Variants in ETS1 observed in about 807,000 individuals in gnomAD.
ETS1 encodes protein C-ets-1.
In ETS1, 15 loss-of-function variants were observed where a neutral mutation model predicts 58.6. The observed-to-expected ratio is 0.26, with a 90% confidence interval of 0.17 to 0.39. The LOEUF (loss-of-function observed/expected upper bound fraction) is 0.39. ETS1 is among the 10% of genes least tolerant of loss of function. The probability of loss-of-function intolerance (pLI) is 1.00; values close to 1 mark genes in which losing one functional copy is unlikely to be tolerated. For missense variants in ETS1, 417 were observed against 610.5 expected (o/e 0.68, Z 3.34); for synonymous variants, 214 against 218.2 (o/e 0.98, Z 0.17).
chr11:128,525,585 A>C (rs1299313646), intron 3 of ETS1, among the ~76,000 whole-genome samples: 1 of 145,696 alleles, frequency 6.9e-6, no homozygotes, highest in Non-Finnish European at 1.5e-5. Flanking sequence ...TATGACTCAC[A>C]GATGTTGATT....
chr11:128,566,738 G>A (rs1020957232), intron 2 of ETS1, among the ~76,000 whole-genome samples: 1 of 151,232 alleles, frequency 6.6e-6, no homozygotes, highest in Non-Finnish European at 1.5e-5. Flanking sequence ...AGCCGAGAGG[G>A]CGCCACTGCA....
chr11:128,475,718 G>GT (rs1170093483), intron 8 of ETS1, among the ~76,000 whole-genome samples: 2 of 151,958 alleles, frequency 1.3e-5, no homozygotes, highest in African/African-American at 4.8e-5. Flanking sequence ...CGCCCAGCTA[G>GT]TTTTTTGTAT....
intron 8 of ETS1, among the ~76,000 whole-genome samples, chr11:128,466,127 C>T (rs1414796046): frequency 3.9e-5 from 6 of 152,340 alleles, no homozygotes; most frequent in South Asian, 4.1e-4. Flanking sequence ...CCCAGTCATC[C>T]GACCACCAGT....
chr11:128,561,069 G>C (rs985352269), intron 2 of ETS1, among the ~76,000 whole-genome samples: 1 of 152,126 alleles, frequency 6.6e-6, no homozygotes, highest in East Asian at 1.9e-4. Flanking sequence ...AGAGAAAGAC[G>C]GTGTTGTTTG....
chr11:128,547,367 A>T (rs1272706373), intron 3 of ETS1, among the ~76,000 whole-genome samples: 1 of 152,258 alleles, frequency 6.6e-6, no homozygotes, highest in Non-Finnish European at 1.5e-5. Flanking sequence ...ACAAAATTTC[A>T]GCAGGATCAC....
At chr11:128,498,623 T>C (rs1863006114) in intron 3 of ETS1, among the ~76,000 whole-genome samples, 1 of 152,174 alleles carries the variant, frequency 6.6e-6, no homozygotes, top group Admixed American at 6.6e-5. Flanking sequence ...AAAAGTATAA[T>C]TTTATGCTAA....
chr11:128,522,374 G>C, intron 3 of ETS1: 1 of 990,114 alleles, frequency 1.0e-6, no homozygotes, highest in African/African-American at 1.7e-5. Context: ...CGTTTCTCGC[G>C]GCGCCGCGTC....
intron 3 of ETS1, among the ~76,000 whole-genome samples, chr11:128,491,175 T>C (rs187172958): frequency 6.6e-6 from 1 of 152,368 alleles, no homozygotes; most frequent in East Asian, 1.9e-4. Flanking sequence ...TTAATGTTAC[T>C]ACATACTTTC....
intron 3 of ETS1, among the ~76,000 whole-genome samples, chr11:128,519,775 T>A (rs899994823): frequency 1.3e-5 from 2 of 152,228 alleles, no homozygotes; most frequent in Non-Finnish European, 2.9e-5. Flanking sequence ...TCACTACATA[T>A]TTTTATGTCA....
intron 3 of ETS1, among the ~76,000 whole-genome samples, chr11:128,550,402 C>T (rs141553693): frequency 0.01 from 1,566 of 152,328 alleles, 16 homozygotes; most frequent in Middle Eastern, 0.017. Context: ...GGCATGCCCT[C>T]CACTTATGGA....
intron 3 of ETS1, among the ~76,000 whole-genome samples, chr11:128,528,252 C>A (rs1456476775): frequency 2.6e-5 from 4 of 152,138 alleles, no homozygotes; most frequent in African/African-American, 9.7e-5. Context: ...CATGGAACTA[C>A]AGAAAACAGA....
intron 3 of ETS1, among the ~76,000 whole-genome samples, chr11:128,495,636 G>A (rs180780652): frequency 3.3e-4 from 50 of 152,254 alleles, no homozygotes; most frequent in African/African-American, 1.2e-3. Flanking sequence ...TAAAGTAAAA[G>A]TAAACCAAGA....
At chr11:128,474,882 G>T (rs998972370) in intron 8 of ETS1, among the ~76,000 whole-genome samples, 1 of 152,218 alleles carries the variant, frequency 6.6e-6, no homozygotes, top group Non-Finnish European at 1.5e-5. Flanking sequence ...ATCAGGTACT[G>T]CCCAAGGATG....
chr11:128,546,163 G>A (rs1335457587), intron 3 of ETS1, among the ~76,000 whole-genome samples: 1 of 152,252 alleles, frequency 6.6e-6, no homozygotes, highest in African/African-American at 2.4e-5. Flanking sequence ...CAAAGTAGTT[G>A]ACTTGGGTTG....
At chr11:128,481,887 C>A (rs1448834594) in intron 7 of ETS1, among the ~76,000 whole-genome samples, 2 of 152,162 alleles carry the variant, frequency 1.3e-5, no homozygotes, top group African/African-American at 4.8e-5. Flanking sequence ...GTAAAATCCA[C>A]TGCTGTGGGT....
chr11:128,476,489 A>G (rs374459230), intron 8 of ETS1, among the ~76,000 whole-genome samples: 3 of 152,382 alleles, frequency 2.0e-5, no homozygotes, highest in African/African-American at 7.2e-5. Context: ...ATGCAATTAC[A>G]TACATGGCCT....
chr11:128,483,459 C>T (rs902304879), intron 7 of ETS1, among the ~76,000 whole-genome samples: 4 of 152,086 alleles, frequency 2.6e-5, no homozygotes, highest in East Asian at 1.9e-4. Context: ...TGCTTTGACT[C>T]GCCTGATAAA....
Position 128,585,045 on chromosome 11 carries a change from A to G in ETS1, c.-15+2443T>C, listed in dbSNP as rs1565421181. On this transcript the variant is annotated intron_variant, in intron 1 of 9. Coordinates refer to ENST00000392668, the MANE Select transcript of ETS1 (RefSeq NM_001143820.2). ...GAAGAAAGAAAGAAAAGAAAGAAAGAAAGAAAGAAAGAAAGAAAGAAAGAA... is the reference window on the plus strand; with the variant it reads ...GAAGAAAGAAAGAAAAGAAAGAAAGGAAGAAAGAAAGAAAGAAAGAAAGAA... Among the ~76,000 whole-genome samples the G allele has an allele frequency of 1.6e-3, 33 of 20,334 alleles. 2 individuals carry two copies. Among genetic ancestry groups the G allele is most frequent in the African/African-American group, 0.01 (23 of 2,280 alleles). The allele number at this position is 20,334 out of a possible 152,430, so 13.3% of individuals were successfully genotyped here.
intron 3 of ETS1, among the ~76,000 whole-genome samples, chr11:128,533,830 C>T (rs1863934979): frequency 6.6e-6 from 1 of 152,186 alleles, no homozygotes; most frequent in Non-Finnish European, 1.5e-5. Flanking sequence ...TTTGAATTTC[C>T]AGTTTAAACA....
Sources: gnomAD v4.1 joint callset for allele counts (sites outside exome capture counted in the v4.1 genomes callset) on GRCh38, gnomAD v4.1.1 for gene constraint, MANE v1.5 for transcripts, NCBI Gene and HGNC (gene_info 2026-07-23, HGNC 2026-07-21) for gene names.